Variants in SSBP3 observed in about 807,000 individuals in gnomAD.
The protein encoded by SSBP3 is single stranded DNA binding protein 3.
SSBP3 carries 5 observed loss-of-function variants against 69.6 expected under a neutral mutation model. The ratio of observed to expected loss-of-function variants is 0.07; its 90% CI spans 0.04 to 0.15. The LOEUF is 0.15. Ranked by LOEUF, SSBP3 falls within the 10% of genes least tolerant of loss-of-function variation. The pLI, the probability that SSBP3 is intolerant of heterozygous loss-of-function variation, is 1.00. For missense variants in SSBP3, 312 were observed against 534.0 expected (o/e 0.58, Z 4.10); for synonymous variants, 196 against 193.4 (o/e 1.01, Z -0.11).
intron 4 of SSBP3, among the ~76,000 whole-genome samples, chr1:54,348,006 C>G (rs941908873): frequency 3.3e-5 from 5 of 152,174 alleles, no homozygotes; most frequent in African/African-American, 9.7e-5. Flanking sequence ...CACCCAATCA[C>G]CCACCCCTTT....
chr1:54,287,553 G>A (rs1173851098), intron 4 of SSBP3, among the ~76,000 whole-genome samples: 1 of 152,170 alleles, frequency 6.6e-6, no homozygotes, highest in Non-Finnish European at 1.5e-5. Flanking sequence ...GCCTCCAAGT[G>A]ACGCCTGTCT....
intron 4 of SSBP3, among the ~76,000 whole-genome samples, chr1:54,318,748 C>G (rs890385380): frequency 6.6e-6 from 1 of 152,174 alleles, no homozygotes; most frequent in Non-Finnish European, 1.5e-5. Context: ...CCACATCCCC[C>G]ACCCCAAGCC....
intron 2 of SSBP3, 92 bp from the exon 3 acceptor site, chr1:54,404,729 CAAT>C (rs1649571069): frequency 1.8e-5 from 26 of 1,448,666 alleles, no homozygotes; most frequent in Middle Eastern, 1.8e-4. Flanking sequence ...GACCAACTAA[CAAT>C]AAATGCCAAA....
intron 5 of SSBP3, among the ~76,000 whole-genome samples, chr1:54,270,831 A>C (rs957588408): frequency 6.6e-6 from 1 of 152,194 alleles, no homozygotes; most frequent in Non-Finnish European, 1.5e-5. Context: ...CCCAATTATC[A>C]GATGAAGCAA....
At chr1:54,323,952 A>T (rs541271215) in intron 4 of SSBP3, among the ~76,000 whole-genome samples, 2 of 152,352 alleles carry the variant, frequency 1.3e-5, no homozygotes, top group South Asian at 4.1e-4. Flanking sequence ...AGTATCATTT[A>T]TAGAATGCCA....
At chr1:54,362,964 G>A (rs543367744) in intron 4 of SSBP3, among the ~76,000 whole-genome samples, 151 of 152,118 alleles carry the variant, frequency 9.9e-4, no homozygotes, top group African/African-American at 2.6e-3. Flanking sequence ...CACGGGGGGC[G>A]GGGCAGAGGG....
intron 14 of SSBP3, chr1:54,237,401 A>G (rs1039918261): frequency 6.6e-6 from 1 of 152,162 alleles, no homozygotes; most frequent in Non-Finnish European, 1.5e-5. Context: ...TTCTGCGACC[A>G]CTGTTTTTGA....
At chr1:54,342,526 C>T (rs1002955718) in intron 4 of SSBP3, among the ~76,000 whole-genome samples, 5 of 152,146 alleles carry the variant, frequency 3.3e-5, no homozygotes, top group African/African-American at 7.2e-5. Flanking sequence ...CTCCCCACCC[C>T]CTCCCATTCC....
chr1:54,366,657 AG>A (rs1400100002), intron 4 of SSBP3, among the ~76,000 whole-genome samples: 2 of 152,224 alleles, frequency 1.3e-5, no homozygotes, highest in Non-Finnish European at 2.9e-5. Context: ...AGTGAAGGGC[AG>A]GGAGTTTTGC....
At chr1:54,320,211 G>A (rs1034334614) in intron 4 of SSBP3, among the ~76,000 whole-genome samples, 1 of 152,212 alleles carries the variant, frequency 6.6e-6, no homozygotes, top group African/African-American at 2.4e-5. Context: ...TTTCAGAGAT[G>A]AGAAATGGGG....
intron 1 of SSBP3, among the ~76,000 whole-genome samples, chr1:54,411,648 T>C (rs1378318626): frequency 6.6e-6 from 1 of 151,902 alleles, no homozygotes; most frequent in Non-Finnish European, 1.5e-5. Context: ...ATCCCGGCAC[T>C]TGTGGAGGCC....
At chr1:54,238,998 T>TAA in intron 14 of SSBP3, 131 bp downstream of exon 14, 4 of 807,418 alleles carry the variant, frequency 5.0e-6, no homozygotes. Flanking sequence ...ATCACTTTTC[T>TAA]GACGGTTTAT....
intron 4 of SSBP3, among the ~76,000 whole-genome samples, chr1:54,393,244 A>G (rs1453314117): frequency 6.6e-6 from 1 of 152,190 alleles, no homozygotes; most frequent in Non-Finnish European, 1.5e-5. Flanking sequence ...GAAGCGGCAT[A>G]TGTGACTTGC....
chr1:54,330,466 G>C (rs1646388744), intron 4 of SSBP3, among the ~76,000 whole-genome samples: 1 of 152,180 alleles, frequency 6.6e-6, no homozygotes, highest in South Asian at 2.1e-4. Context: ...AGTTCTTTCT[G>C]GCATTGAGTG....
chr1:54,409,309 C>T (rs909585695), upstream of SSBP3, among the ~76,000 whole-genome samples: 17 of 152,112 alleles, frequency 1.1e-4, no homozygotes, highest in African/African-American at 3.6e-4. Flanking sequence ...GTCCTTCTGT[C>T]CCTCCAATCT....
At chr1:54,281,595 T>C (rs763566713) in intron 4 of SSBP3, 68 bp from the exon 5 acceptor site, 76 of 1,412,358 alleles carry the variant, frequency 5.4e-5, no homozygotes, top group African/African-American at 1.4e-5. Context: ...TTCTGACCCC[T>C]GGACTTGGCT....
chr1:54,242,305 C>T, intron 10 of SSBP3, 93 bp from the exon 11 acceptor site: 1 of 1,472,918 alleles, frequency 6.8e-7, no homozygotes, highest in Admixed American at 1.7e-5. Flanking sequence ...GGGCTGAAAT[C>T]ACAACAGGAA....
At chr1:54,325,573 C>G (rs1426689807) in intron 4 of SSBP3, 1 of 164,516 alleles carries the variant, frequency 6.1e-6, no homozygotes, top group Non-Finnish European at 1.5e-5. Flanking sequence ...GTAACTCCTG[C>G]TGATGTAAAA....
At chr1:54,348,553 G>A (rs1025790684) in intron 4 of SSBP3, among the ~76,000 whole-genome samples, 13 of 152,202 alleles carry the variant, frequency 8.5e-5, no homozygotes, top group African/African-American at 3.1e-4. Context: ...GCCCACTTCC[G>A]TCCAGGGGTT....
Sources: allele counts gnomAD v4.1 joint callset (sites outside exome capture counted in the v4.1 genomes callset), GRCh38; gene constraint gnomAD v4.1.1; transcripts MANE v1.5; gene names NCBI Gene and HGNC (gene_info 2026-07-23, HGNC 2026-07-21).